Variants in GALNT13 observed in about 807,000 individuals in gnomAD.
GALNT13 encodes UDP-GalNAc:polypeptide N-acetylgalactosaminyltransferase 13.
A neutral mutation model predicts 64.2 loss-of-function variants in GALNT13; 28 were observed. The observed-to-expected ratio is 0.44, with a 90% CI of 0.32 to 0.60. GALNT13 has a LOEUF of 0.60. GALNT13 is among the 20% of genes least tolerant of loss of function. The probability of loss-of-function intolerance (pLI) is 0.05; values close to 1 mark genes in which losing one functional copy is unlikely to be tolerated. For synonymous variants in GALNT13, 214 were observed against 224.6 expected (o/e 0.95, Z 0.42); for missense variants, 577 against 669.8 (o/e 0.86, Z 1.53).
At chr2:153,707,099 T>A in the GALNT13 span, among the ~76,000 whole-genome samples, 1 of 152,158 alleles carries the variant, frequency 6.6e-6, no homozygotes, top group Non-Finnish European at 1.5e-5. Flanking sequence ...AGATATGACT[T>A]GCTCCTCCTT....
intron 9 of GALNT13, among the ~76,000 whole-genome samples, chr2:154,302,676 G>C (rs767929516): frequency 1.6e-4 from 25 of 152,320 alleles, no homozygotes; most frequent in Non-Finnish European, 3.4e-4. Flanking sequence ...ACATTTTAGA[G>C]AGACATAAGA....
chr2:153,650,737 A>T, the GALNT13 span, among the ~76,000 whole-genome samples: 2 of 152,156 alleles, frequency 1.3e-5, no homozygotes, highest in Admixed American at 1.3e-4. Flanking sequence ...GTTTGGCTGG[A>T]TATGAAATTC....
chr2:153,909,746 G>A (rs1358323666), intron 2 of GALNT13, among the ~76,000 whole-genome samples: 1 of 152,110 alleles, frequency 6.6e-6, no homozygotes, highest in Non-Finnish European at 1.5e-5. Context: ...ATTTGCATAT[G>A]TTGAATCAAC....
chr2:153,748,675 C>T, the GALNT13 span, among the ~76,000 whole-genome samples: 1 of 151,814 alleles, frequency 6.6e-6, no homozygotes, highest in Non-Finnish European at 1.5e-5. Flanking sequence ...GGTTGTTAAT[C>T]CCTTGTCAGA....
chr2:153,633,384 AT>A, the GALNT13 span, among the ~76,000 whole-genome samples: 1 of 152,098 alleles, frequency 6.6e-6, no homozygotes, highest in South Asian at 2.1e-4. Flanking sequence ...CCAAGTAGTC[AT>A]TTTTTTCCCA....
intron 7 of GALNT13, among the ~76,000 whole-genome samples, chr2:154,254,852 G>T (rs1690284299): frequency 6.6e-6 from 1 of 152,024 alleles, no homozygotes; most frequent in African/African-American, 2.4e-5. Context: ...GACAGTGAAA[G>T]GTATGTGATG....
At chr2:154,094,377 G>T (rs12617930) in intron 3 of GALNT13, among the ~76,000 whole-genome samples, 8,050 of 151,868 alleles carry the variant, frequency 0.053, 289 homozygotes, top group South Asian at 0.11. Context: ...ATATATTCTC[G>T]TCTATCCTTT....
intron 1 of GALNT13, among the ~76,000 whole-genome samples, chr2:153,891,025 ATTCT>A (rs1336122024): frequency 2.0e-5 from 3 of 152,058 alleles, no homozygotes; most frequent in African/African-American, 4.8e-5. Flanking sequence ...ACTTGAATAA[ATTCT>A]TTCTTCTACC....
the GALNT13 span, among the ~76,000 whole-genome samples, chr2:153,819,576 C>T: frequency 6.6e-6 from 1 of 152,214 alleles, no homozygotes; most frequent in African/African-American, 2.4e-5. Context: ...GCTCTGTCCC[C>T]TCATCCACAT....
At chr2:154,176,403 C>A (rs1685656597) in intron 4 of GALNT13, among the ~76,000 whole-genome samples, 1 of 151,586 alleles carries the variant, frequency 6.6e-6, no homozygotes, top group Non-Finnish European at 1.5e-5. Flanking sequence ...CAGGCGCCCG[C>A]CACCACGCCT....
chr2:154,185,816 A>G (rs913114390), intron 4 of GALNT13, among the ~76,000 whole-genome samples: 1 of 152,180 alleles, frequency 6.6e-6, no homozygotes, highest in East Asian at 1.9e-4. Context: ...CCTACAATGA[A>G]GAATCTGACT....
the GALNT13 span, among the ~76,000 whole-genome samples, chr2:153,083,829 A>C: frequency 6.6e-6 from 1 of 152,118 alleles, no homozygotes; most frequent in Non-Finnish European, 1.5e-5. Context: ...TGTCTTGAAG[A>C]GTTTTTCCAA....
chr2:153,974,073 C>T (rs1363971638), intron 3 of GALNT13, among the ~76,000 whole-genome samples: 1 of 152,036 alleles, frequency 6.6e-6, no homozygotes, highest in Non-Finnish European at 1.5e-5. Flanking sequence ...AACCTTCTTG[C>T]TGCCTTGATG....
At chr2:153,866,507 C>T in the GALNT13 span, among the ~76,000 whole-genome samples, 18 of 152,006 alleles carry the variant, frequency 1.2e-4, no homozygotes, top group Non-Finnish European at 2.4e-4. Flanking sequence ...TGTAAATTTG[C>T]CACTGTGTTT....
At chr2:154,291,398 C>G (rs1446458515) in intron 8 of GALNT13, among the ~76,000 whole-genome samples, 4 of 152,208 alleles carry the variant, frequency 2.6e-5, no homozygotes, top group Non-Finnish European at 5.9e-5. Context: ...ACACAGAGTG[C>G]TGATTGGTGC....
At chr2:154,290,241 A>G (rs904461131) in intron 8 of GALNT13, among the ~76,000 whole-genome samples, 7 of 152,216 alleles carry the variant, frequency 4.6e-5, no homozygotes, top group Non-Finnish European at 8.8e-5. Context: ...ATTATCACTG[A>G]AACAAAGCAG....
the GALNT13 span, among the ~76,000 whole-genome samples, chr2:153,571,447 T>C: frequency 1.3e-5 from 2 of 151,960 alleles, no homozygotes; most frequent in Admixed American, 1.3e-4. Context: ...TTTATTTCTT[T>C]TGTCTGAATT....
chr2:154,157,982 G>A (rs1684520383), intron 4 of GALNT13, among the ~76,000 whole-genome samples: 1 of 152,076 alleles, frequency 6.6e-6, no homozygotes, highest in Admixed American at 6.6e-5. Context: ...CTAACCCCAA[G>A]CGTAGATATG....
the GALNT13 span, among the ~76,000 whole-genome samples, chr2:153,496,179 T>G: frequency 1.3e-5 from 2 of 152,208 alleles, no homozygotes; most frequent in African/African-American, 4.8e-5. Context: ...TAATAAACGT[T>G]ATTGCAATAT....
Sources: allele counts gnomAD v4.1 joint callset (sites outside exome capture counted in the v4.1 genomes callset), GRCh38; gene constraint gnomAD v4.1.1; transcripts MANE v1.5; gene names NCBI Gene and HGNC (gene_info 2026-07-23, HGNC 2026-07-21).